The following PXDNL variants were observed in gnomAD, a reference collection of about 807,000 sequenced individuals.
PXDNL encodes the protein peroxidasin like.
A neutral mutation model predicts 150.8 loss-of-function variants in PXDNL; 145 were observed. The observed-to-expected ratio is 0.96, with a 90% CI of 0.84 to 1.10. The LOEUF (loss-of-function observed/expected upper bound fraction) is 1.10, where lower values mean the gene tolerates loss of function less well. Ranked by LOEUF, PXDNL falls within the 50% of genes least tolerant of loss-of-function variation. The pLI is 0.00. For synonymous variants in PXDNL, 757 were observed against 725.7 expected (o/e 1.04, Z -0.69); for missense variants, 2,087 against 1,873.9 (o/e 1.11, Z -2.10).
chr8:51,512,155 A>G (rs1811437076), intron 4 of PXDNL, among the ~76,000 whole-genome samples: 2 of 152,192 alleles, frequency 1.3e-5, no homozygotes, highest in African/African-American at 4.8e-5. Flanking sequence ...AAAACGGAAC[A>G]AGTATAGGGT....
chr8:51,697,655 G>A (rs1816175877), intron 1 of PXDNL, among the ~76,000 whole-genome samples: 1 of 152,208 alleles, frequency 6.6e-6, no homozygotes, highest in Non-Finnish European at 1.5e-5. Context: ...CTTAGAGACA[G>A]GGGTGATGCA....
At chr8:51,628,900 A>C (rs979469499) in intron 2 of PXDNL, among the ~76,000 whole-genome samples, 1 of 149,022 alleles carries the variant, frequency 6.7e-6, no homozygotes, top group African/African-American at 2.6e-5. Flanking sequence ...CAAATCTTGA[A>C]GAGGGGAAAA....
chr8:51,608,907 T>G (rs1813937918), intron 2 of PXDNL, among the ~76,000 whole-genome samples: 1 of 151,862 alleles, frequency 6.6e-6, no homozygotes, highest in South Asian at 2.1e-4. Flanking sequence ...ATGTTTTCTC[T>G]GAATGTAATT....
intron 1 of PXDNL, among the ~76,000 whole-genome samples, chr8:51,682,353 A>C (rs10081607): frequency 0.056 from 8,507 of 152,240 alleles, 345 homozygotes; most frequent in African/African-American, 0.12. Flanking sequence ...CCAAAAGAGA[A>C]TAGGCAATGA....
intron 1 of PXDNL, among the ~76,000 whole-genome samples, chr8:51,749,694 CTTATT>C (rs1313168894): frequency 1.3e-5 from 2 of 152,010 alleles, no homozygotes; most frequent in African/African-American, 2.4e-5. Flanking sequence ...CTACACTAAA[CTTATT>C]TTATTTATTT....
chr8:51,571,675 T>C (rs1812947903), intron 3 of PXDNL, among the ~76,000 whole-genome samples: 1 of 151,912 alleles, frequency 6.6e-6, no homozygotes, highest in African/African-American at 2.4e-5. Context: ...TCAAGGCTGT[T>C]AACCAAAAGC....
At chr8:51,376,025 C>A (rs761012249) in intron 17 of PXDNL, among the ~76,000 whole-genome samples, 16 of 152,248 alleles carry the variant, frequency 1.1e-4, no homozygotes, top group Non-Finnish European at 1.6e-4. Context: ...AGCTAGAATT[C>A]TGAGGGCAGA....
At chr8:51,472,110 A>G (rs7839439) in intron 8 of PXDNL, 77 bp downstream of exon 8, 134,658 of 904,456 alleles carry the variant, frequency 0.15, 12,511 homozygotes, top group African/African-American at 0.39. Flanking sequence ...TTCTCTAGAT[A>G]AAGGAGTTAA....
chr8:51,699,778 T>C (rs1163999201), intron 1 of PXDNL, among the ~76,000 whole-genome samples: 2 of 152,162 alleles, frequency 1.3e-5, no homozygotes, highest in Non-Finnish European at 2.9e-5. Flanking sequence ...TTCAATATCA[T>C]GTCTTAAGGA....
intron 1 of PXDNL, among the ~76,000 whole-genome samples, chr8:51,735,059 C>CA (rs1817004854): frequency 1.3e-5 from 2 of 152,084 alleles, no homozygotes; most frequent in African/African-American, 2.4e-5. Flanking sequence ...GTTCTCATCA[C>CA]AAAAAAGATA....
At chr8:51,732,857 A>G (rs1408613304) in intron 1 of PXDNL, among the ~76,000 whole-genome samples, 1 of 152,066 alleles carries the variant, frequency 6.6e-6, no homozygotes, top group Non-Finnish European at 1.5e-5. Flanking sequence ...TAATTTAATT[A>G]CCTCCCACTA....
At chr8:51,653,450 C>A (rs1815081371) in intron 2 of PXDNL, among the ~76,000 whole-genome samples, 1 of 152,042 alleles carries the variant, frequency 6.6e-6, no homozygotes, top group Admixed American at 6.6e-5. Context: ...AAATGCAGAT[C>A]TTTGGGCCCA....
rs75601035 is a variant in PXDNL, at chr8:51,362,095, C to T, written c.3901+9778G>A. Among the ~76,000 whole-genome samples the T allele has an allele frequency of 2.8e-3, 429 of 151,850 alleles. 2 individuals are homozygous for T. Among genetic ancestry groups the T allele is most frequent in the African/African-American group, 0.01 (417 of 41,412 alleles). On this transcript the variant is annotated intron_variant, in intron 19 of 22. Coordinates refer to ENST00000356297, the MANE Select transcript of PXDNL (RefSeq NM_144651.5). ...TTTAAAAGAGACTTTTTACAAATGG[C>T]AAATAAAAAGTTTAAGTGACTAATT...
chr8:51,713,927 A>T (rs2130904148), intron 1 of PXDNL, among the ~76,000 whole-genome samples: 1 of 152,306 alleles, frequency 6.6e-6, no homozygotes, highest in East Asian at 1.9e-4. Flanking sequence ...TATCACTTTA[A>T]TTCCCTACAT....
chr8:51,327,213 A>T (rs1201644670), intron 21 of PXDNL, among the ~76,000 whole-genome samples: 24 of 152,186 alleles, frequency 1.6e-4, no homozygotes, highest in Admixed American at 1.6e-3. Flanking sequence ...TGTTGCCATA[A>T]ACCAAGATTT....
chr8:51,746,814 C>T (rs2036988736), intron 1 of PXDNL, among the ~76,000 whole-genome samples: 1 of 152,242 alleles, frequency 6.6e-6, no homozygotes, highest in Non-Finnish European at 1.5e-5. Context: ...CTAGACTTCA[C>T]TGGCTCAGGT....
At chr8:51,762,482 C>T (rs995964194) in intron 1 of PXDNL, among the ~76,000 whole-genome samples, 1 of 152,186 alleles carries the variant, frequency 6.6e-6, no homozygotes, top group Non-Finnish European at 1.5e-5. Flanking sequence ...TATCTGAGAG[C>T]TTCCTCTGCA....
intron 1 of PXDNL, among the ~76,000 whole-genome samples, chr8:51,753,612 T>C (rs951603042): frequency 1.3e-5 from 2 of 152,224 alleles, no homozygotes. Context: ...AAAGGTTCAT[T>C]GGGTTTTTTT....
At chr8:51,733,827 A>G (rs926936491) in intron 1 of PXDNL, among the ~76,000 whole-genome samples, 1 of 142,106 alleles carries the variant, frequency 7.0e-6, no homozygotes. Context: ...ATATATATAT[A>G]TATATAATTT....
Sources: allele counts gnomAD v4.1 joint callset (sites outside exome capture counted in the v4.1 genomes callset), GRCh38; gene constraint gnomAD v4.1.1; transcripts MANE v1.5; gene names NCBI Gene and HGNC (gene_info 2026-07-23, HGNC 2026-07-21).